The following DAB1 variants were observed in gnomAD, a reference collection of about 807,000 sequenced individuals.
The protein encoded by DAB1 is disabled homolog 1.
In DAB1, 15 loss-of-function variants were observed where a neutral mutation model predicts 64.6. That is an observed-to-expected ratio of 0.23 (90% CI 0.16 to 0.36). The LOEUF is 0.36. Among genes scored for constraint, DAB1 ranks in the 10% least tolerant of loss-of-function variants. DAB1 has a pLI of 1.00. For synonymous variants in DAB1, 235 were observed against 251.9 expected, an observed-to-expected ratio of 0.93 and a Z score of 0.64; for missense variants, 596 against 706.7, an observed-to-expected ratio of 0.84 and a Z score of 1.78.
At chr1:57,055,380 A>T (rs778262625) in intron 9 of DAB1, among the ~76,000 whole-genome samples, 1 of 152,300 alleles carries the variant, frequency 6.6e-6, no homozygotes, top group Middle Eastern at 3.4e-3. Flanking sequence ...AAGCATCCAA[A>T]TGTGTTATTT....
chr1:57,269,822 C>T (rs776730747), intron 2 of DAB1, among the ~76,000 whole-genome samples: 45 of 152,056 alleles, frequency 3.0e-4, no homozygotes, highest in Admixed American at 4.6e-4. Context: ...GAGGTTGTTG[C>T]CCGGTAATCC....
At chr1:57,038,307 T>C (rs541850569) in intron 9 of DAB1, among the ~76,000 whole-genome samples, 2 of 152,350 alleles carry the variant, frequency 1.3e-5, no homozygotes, top group East Asian at 3.9e-4. Context: ...TAAGAGGTTT[T>C]TTTTCATTGC....
chr1:58,357,371 A>C (rs1644121692), intron 3 of DAB1, among the ~76,000 whole-genome samples: 1 of 152,128 alleles, frequency 6.6e-6, no homozygotes, highest in Non-Finnish European at 1.5e-5. Flanking sequence ...TTTTTGGCTT[A>C]AGGAACATGG....
intron 4 of DAB1, among the ~76,000 whole-genome samples, chr1:58,255,458 A>G (rs1383456718): frequency 6.6e-6 from 1 of 151,086 alleles, no homozygotes; most frequent in Admixed American, 6.6e-5. Flanking sequence ...CTCTCCTTCT[A>G]TACCCCCATT....
intron 7 of DAB1, among the ~76,000 whole-genome samples, chr1:57,538,877 C>T (rs538484353): frequency 5.3e-5 from 8 of 152,342 alleles, no homozygotes; most frequent in African/African-American, 1.9e-4. Flanking sequence ...TCCAACCCTC[C>T]AGTCACAAAG....
intron 7 of DAB1, among the ~76,000 whole-genome samples, chr1:57,560,656 A>T (rs1469543811): frequency 1.3e-5 from 2 of 152,152 alleles, no homozygotes; most frequent in Non-Finnish European, 2.9e-5. Flanking sequence ...AGAACAGTAG[A>T]AGGTTCTGCA....
intron 4 of DAB1, among the ~76,000 whole-genome samples, chr1:58,167,403 T>C (rs903899259): frequency 2.6e-5 from 4 of 151,550 alleles, no homozygotes; most frequent in African/African-American, 9.7e-5. Context: ...AGCTAAAGGA[T>C]TGTAAATGCA....
At chr1:58,305,033 G>T (rs933626311) in intron 4 of DAB1, among the ~76,000 whole-genome samples, 2 of 151,982 alleles carry the variant, frequency 1.3e-5, no homozygotes, top group African/African-American at 4.8e-5. Context: ...AGGCTGGAGT[G>T]CATTGGCTAT....
At chr1:57,104,227 C>T (rs551903337) in intron 4 of DAB1, among the ~76,000 whole-genome samples, 2 of 152,178 alleles carry the variant, frequency 1.3e-5, no homozygotes, top group African/African-American at 4.8e-5. Flanking sequence ...AGTGTGTTCT[C>T]AATTAATCCT....
intron 1 of DAB1, among the ~76,000 whole-genome samples, chr1:57,309,364 T>C (rs538172084): frequency 2.0e-4 from 30 of 152,308 alleles, no homozygotes; most frequent in African/African-American, 6.7e-4. Flanking sequence ...TTTGTATTAT[T>C]AGGCAATTTC....
chr1:57,934,219 C>T (rs961325531), intron 5 of DAB1, among the ~76,000 whole-genome samples: 12 of 152,112 alleles, frequency 7.9e-5, no homozygotes, highest in East Asian at 7.8e-4. Context: ...CCACTGCGCC[C>T]GGCCCTAGTC....
chr1:58,165,864 T>C (rs1655803305), intron 4 of DAB1, among the ~76,000 whole-genome samples: 1 of 152,210 alleles, frequency 6.6e-6, no homozygotes, highest in South Asian at 2.1e-4. Flanking sequence ...GTGGGCTTAC[T>C]GTATGCTACA....
intron 9 of DAB1, among the ~76,000 whole-genome samples, chr1:57,035,993 C>CCA (rs1647135563): frequency 6.6e-6 from 1 of 151,840 alleles, no homozygotes; most frequent in Non-Finnish European, 1.5e-5. Context: ...TAGGTGCATA[C>CCA]CACCATGCCT....
chr1:57,507,095 G>A (rs927461196), intron 7 of DAB1, among the ~76,000 whole-genome samples: 17 of 152,076 alleles, frequency 1.1e-4, no homozygotes, highest in African/African-American at 4.1e-4. Flanking sequence ...GCTAAAAAAC[G>A]TAATGGCTCC....
At chr1:57,879,653 TTTATGTGGGTGTGGGC>T (rs1196502919) in intron 1 of DAB1, among the ~76,000 whole-genome samples, 1 of 151,970 alleles carries the variant, frequency 6.6e-6, no homozygotes, top group African/African-American at 2.4e-5. Flanking sequence ...CACAGTAGGG[TTTATGTGGGTGTGGGC>T]TTATGTGTAT....
chr1:57,199,869 A>G (rs1446409417), intron 2 of DAB1, among the ~76,000 whole-genome samples: 1 of 152,118 alleles, frequency 6.6e-6, no homozygotes, highest in African/African-American at 2.4e-5. Flanking sequence ...TGCACTTGGA[A>G]AGTATACAGT....
chr1:57,411,339 T>C (rs1357625663), intron 1 of DAB1, among the ~76,000 whole-genome samples: 1 of 152,252 alleles, frequency 6.6e-6, no homozygotes, highest in Non-Finnish European at 1.5e-5. Context: ...CATCTTTCTA[T>C]TTCTGTAGGC....
rs545204335 is a variant in DAB1 at position 57,581,678 on chromosome 1, A to G, written n.625+67914T>C. 1.5e-4 allele frequency among the ~76,000 whole-genome samples: 23 copies of G among 148,680 alleles called. No homozygotes were observed. The South Asian group carries it at 4.8e-3, about 31-fold the overall frequency. On this transcript the variant is annotated intron_variant and non_coding_transcript_variant, in intron 7 of 20. Coordinates refer to the DAB1 transcript ENST00000485760. ...ATAATATGGTCCTATATACCACATT[A>G]TATATTATATAACATATACTATATA...
At chr1:57,382,509 A>G (rs1681464587) in intron 1 of DAB1, among the ~76,000 whole-genome samples, 1 of 152,216 alleles carries the variant, frequency 6.6e-6, no homozygotes, top group African/African-American at 2.4e-5. Flanking sequence ...TAGAAGTCCA[A>G]TAAAGGTATT....
Sources: allele counts gnomAD v4.1 joint callset (sites outside exome capture counted in the v4.1 genomes callset), GRCh38; gene constraint gnomAD v4.1.1; transcripts MANE v1.5; gene names NCBI Gene and HGNC (gene_info 2026-07-23, HGNC 2026-07-21).